IPO11: variants seen among roughly 807,000 people sequenced by gnomAD.
The protein encoded by IPO11 is importin 11, also known as importin-11.
Under a neutral mutation model 143.2 loss-of-function variants are expected in IPO11, and 66 were observed. That is an observed-to-expected ratio of 0.46 (90% CI 0.38 to 0.57). The LOEUF (loss-of-function observed/expected upper bound fraction) is 0.57, where lower values mean the gene tolerates loss of function less well. Ranked by LOEUF, IPO11 falls within the 20% of genes least tolerant of loss-of-function variation. IPO11 has a pLI of 0.00. For missense variants in IPO11, 1,026 were observed against 1,141.0 expected (o/e 0.90, Z 1.45); for synonymous variants, 385 against 377.8 (o/e 1.02, Z -0.22).
intron 1 of IPO11, among the ~76,000 whole-genome samples, chr5:62,415,926 G>A (rs1282698283): frequency 6.6e-6 from 1 of 151,976 alleles, no homozygotes; most frequent in East Asian, 1.9e-4. Context: ...TTCTCCTTAC[G>A]GGCAATATTT....
intron 3 of IPO11, among the ~76,000 whole-genome samples, chr5:62,443,910 A>G (rs1458594505): frequency 6.6e-6 from 1 of 152,156 alleles, no homozygotes; most frequent in Non-Finnish European, 1.5e-5. Context: ...AAGTAACATA[A>G]TCTGTGTTTT....
At chr5:62,480,581 G>C (rs1746155388) in intron 9 of IPO11, among the ~76,000 whole-genome samples, 1 of 152,148 alleles carries the variant, frequency 6.6e-6, no homozygotes, top group South Asian at 2.1e-4. Context: ...AGCATGGAAT[G>C]TTCTTCTATT....
At chr5:62,517,223 C>T (rs947008719) in intron 20 of IPO11, among the ~76,000 whole-genome samples, 1 of 151,898 alleles carries the variant, frequency 6.6e-6, no homozygotes, top group African/African-American at 2.4e-5. Flanking sequence ...AAATAAGTGG[C>T]CCAGAATCTC....
intron 27 of IPO11, among the ~76,000 whole-genome samples, chr5:62,567,841 C>T (rs575764714): frequency 1.1e-4 from 16 of 150,088 alleles, no homozygotes; most frequent in Non-Finnish European, 2.2e-4. Context: ...GGATTACAGG[C>T]GTGAGCCACC....
At chr5:62,546,706 CAATTA>C (rs1197218688) in intron 24 of IPO11, among the ~76,000 whole-genome samples, 18 of 152,202 alleles carry the variant, frequency 1.2e-4, no homozygotes, top group African/African-American at 4.3e-4. Flanking sequence ...TGTCAAAAAA[CAATTA>C]GTAATAGGTA....
intron 5 of IPO11, among the ~76,000 whole-genome samples, chr5:62,454,796 C>T (rs781155668): frequency 3.9e-5 from 6 of 152,132 alleles, no homozygotes; most frequent in Non-Finnish European, 8.8e-5. Flanking sequence ...TGAAAGAGTA[C>T]ACATAATGAT....
chr5:62,579,560 G>A (rs1485609521), intron 27 of IPO11: 1 of 1,551,040 alleles, frequency 6.4e-7, no homozygotes, highest in Non-Finnish European at 8.7e-7. Context: ...CTCTGCACTG[G>A]GAGACAAATT....
At chr5:62,501,947 T>C (rs1468913923) in intron 16 of IPO11, among the ~76,000 whole-genome samples, 1 of 152,230 alleles carries the variant, frequency 6.6e-6, no homozygotes, top group East Asian at 1.9e-4. Flanking sequence ...CTCACTGTTT[T>C]AGTCTGTGGA....
intron 29 of IPO11, among the ~76,000 whole-genome samples, chr5:62,620,517 TAAA>T (rs71608518): frequency 1.3e-4 from 14 of 105,798 alleles, no homozygotes; most frequent in Admixed American, 2.1e-4. Flanking sequence ...AGACTCTGTC[TAAA>T]AAAAAAAAAA....
At chr5:62,495,441 T>C (rs1221619098) in intron 16 of IPO11, among the ~76,000 whole-genome samples, 1 of 152,194 alleles carries the variant, frequency 6.6e-6, no homozygotes, top group Admixed American at 6.6e-5. Flanking sequence ...TAAGTTTTCT[T>C]TGGGAAATAG....
chr5:62,456,038 CT>C (rs940485088), intron 5 of IPO11, among the ~76,000 whole-genome samples: 2 of 151,812 alleles, frequency 1.3e-5, no homozygotes, highest in Non-Finnish European at 2.9e-5. Flanking sequence ...AATTCATTTT[CT>C]TTTTTTTGAG....
Position 62,429,572 on chromosome 5 carries a change from T to C in IPO11, c.-6-7702T>C, listed in dbSNP as rs114438042. ...AACGAATTACAGGCGCACACCACCATGCCCGTCTGATTTTCGTGTGTGTGT... is the reference window on the plus strand; with the variant it reads ...AACGAATTACAGGCGCACACCACCACGCCCGTCTGATTTTCGTGTGTGTGT... On this transcript the variant is annotated intron_variant, in intron 1 of 29. Coordinates refer to ENST00000325324, the MANE Select transcript of IPO11 (RefSeq NM_016338.5). 9.2e-3 allele frequency among the ~76,000 whole-genome samples: 1,337 copies of C among 145,794 alleles called. 19 individuals carry two copies. Among genetic ancestry groups the C allele is most frequent in the African/African-American group, 0.032 (1,260 of 38,896 alleles).
At chr5:62,581,371 T>G (rs1744554260) in intron 27 of IPO11, 1 of 1,123,748 alleles carries the variant, frequency 8.9e-7, no homozygotes, top group African/African-American at 1.6e-5. Context: ...TGAAACCTCC[T>G]TATATAATTA....
intron 24 of IPO11, among the ~76,000 whole-genome samples, chr5:62,538,266 T>A (rs1191696998): frequency 6.6e-6 from 1 of 152,176 alleles, no homozygotes; most frequent in African/African-American, 2.4e-5. Flanking sequence ...GCAGCAAGAA[T>A]CCAAAGTGTA....
At chr5:62,565,626 C>G (rs538810285) in intron 27 of IPO11, among the ~76,000 whole-genome samples, 1 of 152,260 alleles carries the variant, frequency 6.6e-6, no homozygotes, top group East Asian at 1.9e-4. Flanking sequence ...TTTATATTGC[C>G]ATTTCTTAAC....
intron 27 of IPO11, chr5:62,580,406 T>C (rs1744505804): frequency 1.3e-6 from 2 of 1,551,176 alleles, no homozygotes; most frequent in African/African-American, 2.7e-5. Flanking sequence ...TTTGAAAATA[T>C]GGGAGCATCT....
intron 3 of IPO11, among the ~76,000 whole-genome samples, chr5:62,444,217 C>G (rs927623626): frequency 6.6e-6 from 1 of 151,876 alleles, no homozygotes; most frequent in South Asian, 2.1e-4. Flanking sequence ...CTCAGCCTCC[C>G]GAGTAGCTGG....
At chr5:62,586,784 T>C (rs1744807669) in intron 27 of IPO11, among the ~76,000 whole-genome samples, 1 of 135,754 alleles carries the variant, frequency 7.4e-6, no homozygotes, top group South Asian at 2.3e-4. Flanking sequence ...TATATATATA[T>C]ATATATATAT....
intron 12 of IPO11, among the ~76,000 whole-genome samples, 181 bp downstream of exon 12, chr5:62,485,643 G>A (rs749128095): frequency 2.6e-5 from 4 of 151,758 alleles, no homozygotes; most frequent in African/African-American, 2.4e-5. Flanking sequence ...ATTCAAGACC[G>A]GCCTGGTAAA....
Sources: allele counts gnomAD v4.1 joint callset (sites outside exome capture counted in the v4.1 genomes callset), GRCh38; gene constraint gnomAD v4.1.1; transcripts MANE v1.5; gene names NCBI Gene and HGNC (gene_info 2026-07-23, HGNC 2026-07-21).